ATL1: variants seen among roughly 807,000 people sequenced by gnomAD.
The protein encoded by ATL1 is atlastin GTPase 1.
In ATL1, 31 loss-of-function variants were observed where a neutral mutation model predicts 75.5. That is an observed-to-expected ratio of 0.41 (90% confidence interval 0.31 to 0.55). The LOEUF is 0.55. Among genes scored for constraint, ATL1 ranks in the 20% least tolerant of loss-of-function variants. The pLI is 0.27. For synonymous variants in ATL1, 226 were observed against 233.3 expected (o/e 0.97, Z 0.28); for missense variants, 405 against 662.6 (o/e 0.61, Z 4.27).
chr14:50,587,717 G>A (rs1056155162), intron 1 of ATL1, 114 bp from the exon 2 acceptor site: 6 of 1,419,094 alleles, frequency 4.2e-6, no homozygotes, highest in Admixed American at 1.7e-5. Flanking sequence ...CATAAAATGA[G>A]CATTTATAAT....
At position 50,632,814 on chromosome 14, in the gene ATL1, G is replaced by A. The variant is rs111734056; in HGVS notation, c.*475G>A. On this transcript the variant is annotated 3_prime_UTR_variant, in exon 14 of 14. Coordinates refer to ENST00000358385, the MANE Select transcript of ATL1 (RefSeq NM_015915.5). ...ATATATATCACAATCTTATTTTTAA[G>A]CACATTTTAGAGTTCCTTAGTTGCT... The A allele has an allele frequency of 2.8e-3, 442 of 156,106 alleles. 1 individual carries two copies. The highest frequency in any genetic ancestry group is 4.3e-3 in the Non-Finnish European group (303 of 70,290). 9.7% of individuals were successfully genotyped at this position (156,106 alleles called of 1,614,324 possible).
intron 8 of ATL1, 144 bp downstream of exon 8, chr14:50,614,655 C>T: frequency 1.1e-6 from 1 of 939,344 alleles, no homozygotes. Flanking sequence ...ATAGGGCATC[C>T]TGGGCTGGTG....
At chr14:50,539,153 A>G (rs923667991) in intron 1 of ATL1, among the ~76,000 whole-genome samples, 1 of 152,214 alleles carries the variant, frequency 6.6e-6, no homozygotes, top group Non-Finnish European at 1.5e-5. Context: ...TGTATAAACT[A>G]CTTGCCAAGG....
intron 1 of ATL1, among the ~76,000 whole-genome samples, chr14:50,553,644 A>C (rs1458732786): frequency 1.3e-5 from 2 of 152,236 alleles, no homozygotes; most frequent in East Asian, 3.8e-4. Flanking sequence ...AAAAAGATGA[A>C]TGCACACGCA....
intron 1 of ATL1, among the ~76,000 whole-genome samples, chr14:50,544,326 C>T (rs898853710): frequency 1.3e-5 from 2 of 152,196 alleles, no homozygotes; most frequent in African/African-American, 2.4e-5. Context: ...ACTATCAGAA[C>T]CACAATTTTG....
At chr14:50,595,288 A>G (rs974226048) in intron 5 of ATL1, among the ~76,000 whole-genome samples, 2 of 152,140 alleles carry the variant, frequency 1.3e-5, no homozygotes, top group Non-Finnish European at 2.9e-5. Flanking sequence ...AAAAGTGTTC[A>G]TTTTAAAATA....
chr14:50,549,177 C>T (rs2038671458), intron 1 of ATL1, among the ~76,000 whole-genome samples: 1 of 152,156 alleles, frequency 6.6e-6, no homozygotes, highest in Non-Finnish European at 1.5e-5. Context: ...GGGGACCCCA[C>T]CAATACCCAC....
chr14:50,591,125 A>C (rs1164427164), intron 3 of ATL1, 50 bp downstream of exon 3: 1 of 1,574,164 alleles, frequency 6.4e-7, no homozygotes, highest in Non-Finnish European at 8.7e-7. Context: ...TATAACAGTT[A>C]CTACTTTTTA....
intron 13 of ATL1, among the ~76,000 whole-genome samples, chr14:50,630,322 G>T (rs772904880): frequency 1.3e-5 from 2 of 152,212 alleles, no homozygotes; most frequent in Non-Finnish European, 2.9e-5. Context: ...CTGTACTGCA[G>T]AGTAAAGCAA....
chr14:50,627,921 C>T, intron 11 of ATL1, 110 bp from the exon 12 acceptor site: 1 of 1,003,818 alleles, frequency 1.0e-6, no homozygotes, highest in African/African-American at 1.6e-5. Flanking sequence ...TATGCAGGCT[C>T]CTGATTATTA....
chr14:50,588,186 A>T (rs778072986), intron 2 of ATL1, 108 bp downstream of exon 2: 31 of 1,361,144 alleles, frequency 2.3e-5, no homozygotes, highest in Non-Finnish European at 2.9e-5. Flanking sequence ...TGTACCCTAT[A>T]TATGAACCAG....
At chr14:50,627,277 T>C (rs2039530751) in intron 11 of ATL1, among the ~76,000 whole-genome samples, 1 of 152,254 alleles carries the variant, frequency 6.6e-6, no homozygotes. Flanking sequence ...GGTTTTTAGA[T>C]ATGCTACTGC....
At chr14:50,533,128 T>C (rs2038441760) in exon 1 of ATL1, 1 of 152,436 alleles carries the variant, frequency 6.6e-6, no homozygotes, top group Non-Finnish European at 1.5e-5. Flanking sequence ...TTCTACTTAG[T>C]TCTTCTGAGA....
At chr14:50,575,835 C>T (rs1009048585) in intron 1 of ATL1, among the ~76,000 whole-genome samples, 2 of 152,036 alleles carry the variant, frequency 1.3e-5, no homozygotes, top group Non-Finnish European at 2.9e-5. Flanking sequence ...TGATTATTCT[C>T]CACATTTGAC....
At chr14:50,613,198 A>G (rs2039382162) in intron 6 of ATL1, 61 bp from the exon 7 acceptor site, 1 of 1,209,122 alleles carries the variant, frequency 8.3e-7, no homozygotes, top group African/African-American at 1.5e-5. Context: ...ACTGGTTTCC[A>G]TATAAAGCAA....
chr14:50,595,120 C>A (rs2039202092), intron 5 of ATL1, among the ~76,000 whole-genome samples: 1 of 151,944 alleles, frequency 6.6e-6, no homozygotes, highest in Non-Finnish European at 1.5e-5. Context: ...GCCATTGTGC[C>A]ATTAAATTTC....
chr14:50,611,015 T>C (rs539388752), intron 6 of ATL1, among the ~76,000 whole-genome samples: 5 of 152,166 alleles, frequency 3.3e-5, no homozygotes, highest in African/African-American at 9.6e-5. Context: ...GGGCATATGA[T>C]CAAATTGGGC....
chr14:50,601,553 GC>G (rs1189371694), intron 6 of ATL1, among the ~76,000 whole-genome samples: 1 of 152,154 alleles, frequency 6.6e-6, no homozygotes, highest in Non-Finnish European at 1.5e-5. Flanking sequence ...CAACCAACTT[GC>G]AAAAATTCCT....
chr14:50,583,804 G>T (rs564901421), intron 1 of ATL1, among the ~76,000 whole-genome samples: 37 of 152,238 alleles, frequency 2.4e-4, no homozygotes, highest in African/African-American at 8.4e-4. Context: ...ATTTTGAATA[G>T]GATAGTGTAA....
Sources: allele counts gnomAD v4.1 joint callset (sites outside exome capture counted in the v4.1 genomes callset), GRCh38; gene constraint gnomAD v4.1.1; transcripts MANE v1.5; gene names NCBI Gene and HGNC (gene_info 2026-07-23, HGNC 2026-07-21).